Variants in SP140 observed in about 807,000 individuals in gnomAD.
SP140 encodes SP140 nuclear body protein.
SP140 carries 81 observed loss-of-function variants against 125.0 expected under a neutral mutation model. That is an observed-to-expected ratio of 0.65 (90% CI 0.54 to 0.78). The LOEUF (loss-of-function observed/expected upper bound fraction) is 0.78, where lower values mean the gene tolerates loss of function less well. Among genes scored for constraint, SP140 ranks in the 30% least tolerant of loss-of-function variants. The pLI is 0.00. For synonymous variants in SP140, 312 were observed against 354.0 expected, an observed-to-expected ratio of 0.88 and a Z score of 1.33; for missense variants, 858 against 1,037.0, an observed-to-expected ratio of 0.83 and a Z score of 2.37.
At chr2:230,228,520 A>G (rs1243043745) in intron 1 of SP140, among the ~76,000 whole-genome samples, 3 of 152,130 alleles carry the variant, frequency 2.0e-5, no homozygotes, top group South Asian at 4.1e-4. Flanking sequence ...GAATTTGTCT[A>G]TTTCTCTTTA....
intron 1 of SP140, chr2:230,212,694 G>T: frequency 1.3e-6 from 2 of 1,579,584 alleles, no homozygotes; most frequent in Non-Finnish European, 1.7e-6. Context: ...TGCTGGGATT[G>T]GCGGCAACAT....
the SP140 span, among the ~76,000 whole-genome samples, chr2:230,191,000 G>A: frequency 1.1e-4 from 16 of 152,122 alleles, no homozygotes; most frequent in East Asian, 5.8e-4. Flanking sequence ...GATGCATCCC[G>A]TTTTATCCTT....
intron 12 of SP140, among the ~76,000 whole-genome samples, chr2:230,264,776 G>T (rs931896264): frequency 3.9e-5 from 6 of 152,184 alleles, no homozygotes; most frequent in Non-Finnish European, 8.8e-5. Flanking sequence ...AGTCTACCAG[G>T]CTCCAGGCTG....
At chr2:230,268,738 G>T (rs1434000771) in intron 12 of SP140, among the ~76,000 whole-genome samples, 1 of 152,174 alleles carries the variant, frequency 6.6e-6, no homozygotes, top group Non-Finnish European at 1.5e-5. Flanking sequence ...AGTTGTTGTT[G>T]AGAAAGATTC....
chr2:230,246,458 T>A (rs1404513033), intron 7 of SP140, among the ~76,000 whole-genome samples: 2 of 152,116 alleles, frequency 1.3e-5, no homozygotes, highest in Admixed American at 1.3e-4. Context: ...GAAGGGGAGA[T>A]AATTTTCAAC....
At chr2:230,244,724 C>T (rs563861503) in intron 5 of SP140, among the ~76,000 whole-genome samples, 1 of 152,054 alleles carries the variant, frequency 6.6e-6, no homozygotes, top group African/African-American at 2.4e-5. Context: ...GAGAGGGAAT[C>T]CCAGGGAGTC....
At chr2:230,241,020 A>G (rs919701605) in intron 3 of SP140, among the ~76,000 whole-genome samples, 9 of 152,230 alleles carry the variant, frequency 5.9e-5, no homozygotes, top group African/African-American at 2.2e-4. Context: ...TCTCAAAAAC[A>G]TTATGTTGAG....
chr2:230,252,109 A>G (rs2050462605), intron 10 of SP140, among the ~76,000 whole-genome samples: 1 of 152,016 alleles, frequency 6.6e-6, no homozygotes, highest in Non-Finnish European at 1.5e-5. Context: ...TAAGGAGAGG[A>G]GTGGAAAAAT....
In SP140 at chr2:230,211,809, A is replaced by T. The variant is rs2044512685; in HGVS notation, c.-322-1845A>T. ...GTATTAGAGGAGTGGATGCAATATT[A>T]TTTGGATCGAAGAGGACCCCTCTTC... On this transcript the variant is annotated intron_variant, in intron 1 of 4. Coordinates refer to the SP140 transcript ENST00000456542. The surrounding 1 kb of genome is among the most constrained non-coding windows in gnomAD (Gnocchi z 4.2). Among the ~76,000 whole-genome samples the T allele has an allele frequency of 6.6e-6, 1 of 152,112 alleles. No homozygotes were observed.
downstream of SP140, among the ~76,000 whole-genome samples, chr2:230,316,137 G>A (rs2149655394): frequency 6.6e-6 from 1 of 152,302 alleles, no homozygotes; most frequent in Non-Finnish European, 1.5e-5. Context: ...CCACTGGATT[G>A]ATGACAGTAT....
chr2:230,197,287 TG>T, the SP140 span, among the ~76,000 whole-genome samples: 1 of 150,828 alleles, frequency 6.6e-6, no homozygotes, highest in Non-Finnish European at 1.5e-5. Context: ...ATTTCTCTGA[TG>T]GCCAGTGATG....
intron 1 of SP140, chr2:230,212,288 G>T: frequency 2.4e-6 from 3 of 1,255,912 alleles, no homozygotes; most frequent in Non-Finnish European, 3.5e-6. Flanking sequence ...GTTGGCAGAC[G>T]CATGTTCTCC....
At chr2:230,255,682 A>C in intron 12 of SP140, 150 bp downstream of exon 12, 1 of 697,666 alleles carries the variant, frequency 1.4e-6, no homozygotes, top group East Asian at 2.7e-5. Context: ...TTTTCTGTAC[A>C]TGAATCTTTT....
intron 1 of SP140, among the ~76,000 whole-genome samples, chr2:230,226,786 A>G (rs2149017367): frequency 6.6e-6 from 1 of 151,018 alleles, no homozygotes; most frequent in East Asian, 1.9e-4. Flanking sequence ...AAAAAAGACA[A>G]GTACATCAAT....
Position 230,284,346 on chromosome 2 carries a change from GA to G in SP140, c.1505del (p.Lys502ArgfsTer9). 1.2e-6 allele frequency: 2 copies of G among 1,603,658 alleles called. No homozygotes were observed. The highest frequency in any genetic ancestry group is 1.7e-6 in the Non-Finnish European group (2 of 1,175,462). ...STLGKPKRKR[R>X]KKRGHGWSRM... is the part of the protein sequence containing the mutation. ...TAACTTTATTCTCTTTGGTTTGAAG[GA>G]AAAAAGAGGGGGCATGGCTGGAGCA... On this transcript the variant is annotated frameshift_variant and splice_region_variant, in exon 16 of 27. Transcript: ENST00000392045. LOFTEE classifies it high-confidence loss of function.
At chr2:230,315,239 G>A (rs2059476931), downstream of SP140, among the ~76,000 whole-genome samples, 1 of 152,166 alleles carries the variant, frequency 6.6e-6, no homozygotes, top group South Asian at 2.1e-4. Context: ...ATGGAAATGA[G>A]GGCAGTTTCT....
At chr2:230,277,402 C>T (rs2149393594) in intron 15 of SP140, among the ~76,000 whole-genome samples, 1 of 152,238 alleles carries the variant, frequency 6.6e-6, no homozygotes, top group African/African-American at 2.4e-5. Flanking sequence ...ATTTTAGACA[C>T]AATGCTATTG....
intron 3 of SP140, 76 bp downstream of exon 3, chr2:230,238,457 A>C (rs1349872956): frequency 4.3e-6 from 6 of 1,407,398 alleles, no homozygotes; most frequent in Middle Eastern, 1.8e-4. Context: ...CTCTTCATTC[A>C]TATTTGACAA....
intron 21 of SP140, among the ~76,000 whole-genome samples, chr2:230,295,442 A>G (rs1422365326): frequency 6.6e-6 from 1 of 152,106 alleles, no homozygotes; most frequent in Non-Finnish European, 1.5e-5. Flanking sequence ...TCTACCTTTC[A>G]CCGGGTGCCA....
Sources: allele counts gnomAD v4.1 joint callset (sites outside exome capture counted in the v4.1 genomes callset), GRCh38; gene constraint gnomAD v4.1.1; non-coding constraint Gnocchi (gnomAD v3.1); transcripts MANE v1.5; gene names NCBI Gene and HGNC (gene_info 2026-07-23, HGNC 2026-07-21).